The following RFC1 variants were observed in gnomAD, a reference collection of about 807,000 sequenced individuals.
RFC1 encodes replication factor C subunit 1.
RFC1 carries 37 observed loss-of-function variants against 137.4 expected under a neutral mutation model. The ratio of observed to expected loss-of-function variants is 0.27; its 90% CI spans 0.21 to 0.35. The LOEUF is 0.35. RFC1 is among the 10% of genes least tolerant of loss of function. RFC1 has a pLI of 1.00. For missense variants in RFC1, 1,205 were observed against 1,358.5 expected, an observed-to-expected ratio of 0.89 and a Z score of 1.78; for synonymous variants, 429 against 455.7, an observed-to-expected ratio of 0.94 and a Z score of 0.75.
At chr4:39,310,265 C>T (rs1020383585) in intron 12 of RFC1, among the ~76,000 whole-genome samples, 3 of 152,078 alleles carry the variant, frequency 2.0e-5, no homozygotes, top group Non-Finnish European at 4.4e-5. Context: ...ATGTCATCGA[C>T]GGGAGAAGAC....
chr4:39,320,282 G>A, intron 9 of RFC1, 101 bp downstream of exon 9: 2 of 1,056,578 alleles, frequency 1.9e-6, no homozygotes. Flanking sequence ...CTGGGAGGCA[G>A]AGGTTGCAGT....
At chr4:39,343,254 C>T (rs919346143) in intron 3 of RFC1, among the ~76,000 whole-genome samples, 12 of 152,104 alleles carry the variant, frequency 7.9e-5, no homozygotes, top group Non-Finnish European at 1.5e-5. Context: ...AAATCCTGAC[C>T]TCAAGTGATC....
intron 19 of RFC1, among the ~76,000 whole-genome samples, chr4:39,301,406 A>G (rs961072384): frequency 1.3e-5 from 2 of 152,220 alleles, no homozygotes; most frequent in Admixed American, 1.3e-4. Flanking sequence ...CAACACCAAG[A>G]GGGAATGCTA....
At chr4:39,328,011 C>T (rs1739869167) in intron 4 of RFC1, among the ~76,000 whole-genome samples, 1 of 152,112 alleles carries the variant, frequency 6.6e-6, no homozygotes, top group Non-Finnish European at 1.5e-5. Flanking sequence ...TGGTACACAC[C>T]TGTAGTCCCA....
At chr4:39,339,473 T>C (rs1740511734) in intron 4 of RFC1, among the ~76,000 whole-genome samples, 1 of 152,176 alleles carries the variant, frequency 6.6e-6, no homozygotes, top group Non-Finnish European at 1.5e-5. Flanking sequence ...TGGTTTCGGT[T>C]TGCATTTCCC....
chr4:39,334,888 T>C (rs527658109), intron 4 of RFC1, among the ~76,000 whole-genome samples: 1 of 152,282 alleles, frequency 6.6e-6, no homozygotes, highest in Admixed American at 6.5e-5. Context: ...GGAGAGAAGA[T>C]TGCTTTAACA....
intron 10 of RFC1, among the ~76,000 whole-genome samples, chr4:39,313,703 A>C (rs1739089612): frequency 6.6e-6 from 1 of 150,880 alleles, no homozygotes; most frequent in Non-Finnish European, 1.5e-5. Context: ...AAGGGAAAAA[A>C]GGCAACTCTT....
rs139204564 is a variant in RFC1, at chr4:39,300,373, C to T, written c.2577G>A (p.Glu859=). Residue 859 remains glutamate (E), a synonymous_variant, in exon 20 of 25, where the codon GAG becomes GAA. Transcript: ENST00000349703. ...CCACAAGTGACATGTGAGCAGTCTC[C>T]TCTCCAGCTGCAAACACTTTCCGGG... ...DVARKVFAAG[E]ETAHMSLVDK... is the part of the protein sequence containing the mutation. The T allele has an allele frequency of 2.5e-6, 4 of 1,613,926 alleles. No individual in the cohort carries two copies. In the African/African-American group the frequency reaches 5.3e-5, roughly 22 times the overall value.
chr4:39,326,536 TA>T, intron 6 of RFC1, 26 bp downstream of exon 6: 2 of 1,598,328 alleles, frequency 1.3e-6, no homozygotes, highest in Non-Finnish European at 1.7e-6. Context: ...ATCAAGTTAC[TA>T]ATGATTCTAA....
intron 2 of RFC1, among the ~76,000 whole-genome samples, chr4:39,349,318 G>C (rs1355422881): frequency 6.6e-6 from 1 of 152,186 alleles, no homozygotes; most frequent in Non-Finnish European, 1.5e-5. Context: ...CCTCAGGGTG[G>C]CTATATTTGG....
chr4:39,332,738 C>T (rs998754387), intron 4 of RFC1, among the ~76,000 whole-genome samples: 1 of 152,180 alleles, frequency 6.6e-6, no homozygotes, highest in Non-Finnish European at 1.5e-5. Context: ...CTGAAGTCTG[C>T]CCTTATTTCT....
At chr4:39,317,772 T>G (rs1280948186) in intron 9 of RFC1, 1 of 143,870 alleles carries the variant, frequency 7.0e-6, no homozygotes, top group African/African-American at 2.6e-5. Flanking sequence ...ATCAGGTGTT[T>G]GTTATTTTTC....
In RFC1 at chr4:39,302,883, C is replaced by T. The variant is rs1003454079; in HGVS notation, c.2203-9G>A. 5.1e-6 allele frequency: 8 copies of T among 1,571,340 alleles called. No homozygotes were observed. The highest frequency in any genetic ancestry group is 6.9e-6 in the Non-Finnish European group (8 of 1,160,614). On this transcript the variant is annotated splice_polypyrimidine_tract_variant and intron_variant, in intron 16 of 24. Coordinates refer to ENST00000349703, the MANE Select transcript of RFC1 (RefSeq NM_002913.5). ...ATCAGGCCAATTAATTCCTGAAAGG[C>T]AAGTTTGCAACACAAAAATAATTAT...
chr4:39,289,970 T>C lies in RFC1; in HGVS notation c.3238A>G (p.Lys1080Glu), dbSNP rs903917735. ...GGGCTTGTGCTGTGTCTAGATGCCT[T>C]TATAGCTTGAAGTGAGTATGGAGTA... ...HLTPYSLQAI[K>E]ASRHSTSPSL... The change falls in exon 24 of 25, where the codon AAG (lysine) becomes GAG (glutamate). Residue 1080 changes from lysine to glutamate, a missense_variant. Lys to Glu is a moderately conservative substitution (Grantham distance 56). Around this residue, in one of 3 missense-constraint regions of RFC1, gnomAD observed 237 missense variants for 304.2 expected, o/e 0.78. Transcript: ENST00000349703. 1.2e-6 allele frequency: 2 copies of C among 1,613,722 alleles called. No homozygotes were observed. Among genetic ancestry groups the C allele is most frequent in the Non-Finnish European group, 1.7e-6 (2 of 1,179,682 alleles).
Position 39,288,707 on chromosome 4 carries a change from C to T in RFC1, c.*54G>A. On this transcript the variant is annotated 3_prime_UTR_variant, in exon 25 of 25. Transcript: ENST00000349703. ...AAAAACAAGGCTTTCTCTAGACCAG[C>T]TGGACTGGTCAGGAGGGAGAGTAAA... is the stretch of plus-strand genomic sequence containing the variant. 8.9e-7 allele frequency: 1 copy of T among 1,119,466 alleles called. No homozygotes were observed. 69.3% of individuals were successfully genotyped at this position (1,119,466 alleles called of 1,614,324 possible).
Position 39,312,586 on chromosome 4 carries a change from C to G in RFC1, c.1383+166G>C, listed in dbSNP as rs181880054. ...TGCCTTCCATTGGAAAACCAAAATC[C>G]TGGTGTCAGAGCCAATAACACTTCT... On this transcript the variant is annotated intron_variant, in intron 11 of 24. Coordinates refer to ENST00000349703, the MANE Select transcript of RFC1 (RefSeq NM_002913.5). 7.9e-5 allele frequency among the ~76,000 whole-genome samples: 12 copies of G among 152,254 alleles called. No individual in the cohort carries two copies. In the East Asian group the frequency reaches 2.3e-3, roughly 29 times the overall value.
At chr4:39,295,553 C>A in intron 22 of RFC1, 61 bp downstream of exon 22, 1 of 1,409,098 alleles carries the variant, frequency 7.1e-7, no homozygotes, top group Non-Finnish European at 9.7e-7. Context: ...ATGATCATTA[C>A]TGGATAAAGG....
chr4:39,303,387 C>T (rs1738471079), intron 15 of RFC1, among the ~76,000 whole-genome samples: 1 of 151,662 alleles, frequency 6.6e-6, no homozygotes, highest in South Asian at 2.1e-4. Context: ...CAGAGGCAAA[C>T]AACAGTCTCT....
chr4:39,359,057 C>G (rs1741620262), intron 1 of RFC1, among the ~76,000 whole-genome samples: 1 of 152,152 alleles, frequency 6.6e-6, no homozygotes, highest in African/African-American at 2.4e-5. Flanking sequence ...GCTTCTCTCC[C>G]TTTATTCCCC....
Sources: gnomAD v4.1 joint callset for allele counts (sites outside exome capture counted in the v4.1 genomes callset) on GRCh38, gnomAD v4.1.1 for gene constraint, gnomAD v4.1.1 regional missense constraint, MANE v1.5 for transcripts, NCBI Gene and HGNC (gene_info 2026-07-23, HGNC 2026-07-21) for gene names.